The following PDPK1 variants were observed in gnomAD, a reference collection of about 807,000 sequenced individuals.
PDPK1 encodes the protein 3-phosphoinositide dependent protein kinase 1.
Under a neutral mutation model 39.8 loss-of-function variants are expected in PDPK1, and 7 were observed. The ratio of observed to expected loss-of-function variants is 0.18; its 90% CI spans 0.10 to 0.33. The LOEUF is 0.33. Among genes scored for constraint, PDPK1 ranks in the 10% least tolerant of loss-of-function variants. The pLI, the probability that PDPK1 is intolerant of heterozygous loss-of-function variation, is 1.00. For synonymous variants in PDPK1, 118 were observed against 159.1 expected (o/e 0.74, Z 1.95); for missense variants, 182 against 384.7 (o/e 0.47, Z 4.41).
At chr16:2,591,717 G>A (rs1392224092) in intron 11 of PDPK1, among the ~76,000 whole-genome samples, 1 of 152,328 alleles carries the variant, frequency 6.6e-6, no homozygotes, top group Non-Finnish European at 1.5e-5. Context: ...CTTATCAGCC[G>A]AACAGGAGAG....
At chr16:2,589,858 G>GA (rs2066952819) in intron 11 of PDPK1, among the ~76,000 whole-genome samples, 2 of 152,224 alleles carry the variant, frequency 1.3e-5, no homozygotes, top group Admixed American at 6.5e-5. Context: ...GAAGCTCTTA[G>GA]AAGCTGCATT....
chr16:2,597,118 G>T lies in PDPK1; in HGVS notation c.1402-5G>T. On this transcript the variant is annotated splice_polypyrimidine_tract_variant and splice_region_variant and intron_variant, in intron 12 of 13. Coordinates refer to ENST00000342085, the MANE Select transcript of PDPK1 (RefSeq NM_002613.5). The surrounding 1 kb of genome is among the most constrained non-coding windows in gnomAD (Gnocchi z 6.3). ...GAGGCCTGTTGTTTTGTGTTTTGGC[G>T]TCAGGGTTTATTTGCAAGACGACGA... is the stretch of plus-strand genomic sequence containing the variant. The T allele has an allele frequency of 6.4e-7, 1 of 1,552,420 alleles. No individual in the cohort carries two copies. The highest frequency in any genetic ancestry group is 8.8e-7 in the Non-Finnish European group (1 of 1,141,254).
At chr16:2,592,342 C>T (rs967272080) in intron 11 of PDPK1, among the ~76,000 whole-genome samples, 2 of 152,102 alleles carry the variant, frequency 1.3e-5, no homozygotes, top group African/African-American at 4.8e-5. Flanking sequence ...TGAGGTGCCT[C>T]GGGAAAGTCC....
At chr16:2,587,330 G>T (rs559631159) in intron 11 of PDPK1, among the ~76,000 whole-genome samples, 1 of 152,270 alleles carries the variant, frequency 6.6e-6, no homozygotes, top group Admixed American at 6.5e-5. Flanking sequence ...TCTGTCGCGG[G>T]GGCGCCAGGA....
rs2066171316 is a variant in PDPK1 at position 2,538,148 on chromosome 16, G to A, written c.24+12G>A. 3.8e-6 allele frequency: 4 copies of A among 1,059,860 alleles called. No individual in the cohort carries two copies. The highest frequency in any genetic ancestry group is 4.6e-6 in the Non-Finnish European group (4 of 877,518). 65.7% of individuals were successfully genotyped at this position (1,059,860 alleles called of 1,614,324 possible). A position where few individuals can be genotyped will look rare whatever the true frequency, so the allele number is the denominator to read the frequency against. On this transcript the variant is annotated intron_variant, in intron 1 of 13. Coordinates refer to ENST00000342085, the MANE Select transcript of PDPK1 (RefSeq NM_002613.5). ...CCACCAGCCAGCTGGTGAGCGCGCGGCGGCGGACTGGACGCGCCGGTTTGT... is the reference window on the plus strand; with the variant it reads ...CCACCAGCCAGCTGGTGAGCGCGCGACGGCGGACTGGACGCGCCGGTTTGT...
intron 10 of PDPK1, among the ~76,000 whole-genome samples, chr16:2,585,132 G>T (rs909375035): frequency 1.3e-5 from 2 of 152,252 alleles, no homozygotes; most frequent in Non-Finnish European, 2.9e-5. Flanking sequence ...GCTTCTCTGA[G>T]TGTGGGGGTG....
intron 11 of PDPK1, among the ~76,000 whole-genome samples, chr16:2,587,601 T>C (rs1413544173): frequency 1.3e-5 from 2 of 152,136 alleles, no homozygotes; most frequent in Non-Finnish European, 2.9e-5. Context: ...CTCTGCCTCC[T>C]GGGTTCAAGC....
At chr16:2,580,444 G>A (rs941319316) in intron 7 of PDPK1, among the ~76,000 whole-genome samples, 2 of 143,584 alleles carry the variant, frequency 1.4e-5, no homozygotes, top group African/African-American at 5.4e-5. Flanking sequence ...CCTCGGTGTG[G>A]ATTTCAGGAA....
At position 2,600,658 on chromosome 16, in the gene PDPK1, T is replaced by C. The variant is rs2067199091; in HGVS notation, c.*2891T>C. 1 of 178,688 alleles carries C rather than the reference T, an allele frequency of 5.6e-6. No homozygotes were observed. The highest frequency in any genetic ancestry group is 1.0e-5 in the Non-Finnish European group (1 of 97,750). 11.1% of individuals were successfully genotyped at this position (178,688 alleles called of 1,614,324 possible). Reference sequence around the variant, plus strand: ...GGGACTCCGCCTACTCCAGCCCTCTTGGGACACACTGTGGGATTTGTGGCC... The same window carrying C: ...GGGACTCCGCCTACTCCAGCCCTCTCGGGACACACTGTGGGATTTGTGGCC... On this transcript the variant is annotated 3_prime_UTR_variant, in exon 14 of 14. Coordinates refer to ENST00000342085, the MANE Select transcript of PDPK1 (RefSeq NM_002613.5).
intron 10 of PDPK1, among the ~76,000 whole-genome samples, chr16:2,585,399 A>G (rs1405370114): frequency 6.6e-6 from 1 of 152,192 alleles, no homozygotes; most frequent in Non-Finnish European, 1.5e-5. Context: ...GGTGTCAAGC[A>G]TGGAAGGAGA....
intron 1 of PDPK1, among the ~76,000 whole-genome samples, chr16:2,544,070 A>T (rs1167174442): frequency 2.0e-5 from 3 of 151,994 alleles, no homozygotes; most frequent in African/African-American, 7.3e-5. Flanking sequence ...CATGACAATA[A>T]AAAAAAGTCT....
chr16:2,596,082 C>A (rs564068680), intron 12 of PDPK1, among the ~76,000 whole-genome samples: 1 of 152,220 alleles, frequency 6.6e-6, no homozygotes, highest in Non-Finnish European at 1.5e-5. Context: ...CTCCTGGGAG[C>A]CTGGGGCTGC....
At chr16:2,592,048 T>C (rs1033763375) in intron 11 of PDPK1, among the ~76,000 whole-genome samples, 7 of 152,162 alleles carry the variant, frequency 4.6e-5, no homozygotes. Flanking sequence ...TGCAGAGCCC[T>C]CCCGAGGGGT....
Position 2,598,640 on chromosome 16 carries a change from C to G in PDPK1, c.*873C>G, listed in dbSNP as rs1324672357. ...GAGCCCTAGGTGGGGCCAGGAGGTG[C>G]CTTGGAGAAGCCAGCCAGAGCAGAG... On this transcript the variant is annotated 3_prime_UTR_variant, in exon 14 of 14. Coordinates refer to ENST00000342085, the MANE Select transcript of PDPK1 (RefSeq NM_002613.5). The G allele has an allele frequency of 8.6e-6, 2 of 233,334 alleles. No homozygotes were observed. The highest frequency in any genetic ancestry group is 4.4e-5 in the African/African-American group (2 of 45,334). 14.5% of individuals were successfully genotyped at this position (233,334 alleles called of 1,614,324 possible). A position where few individuals can be genotyped will look rare whatever the true frequency, so the allele number is the denominator to read the frequency against.
intron 1 of PDPK1, among the ~76,000 whole-genome samples, chr16:2,540,318 A>G (rs1159036172): frequency 6.6e-6 from 1 of 152,224 alleles, no homozygotes; most frequent in Non-Finnish European, 1.5e-5. Context: ...GGCCAGAGGC[A>G]GTGAGTACCA....
In PDPK1 at chr16:2,538,124, C is replaced by G; in HGVS notation, c.12C>G (p.Thr4=). MAR[T]TSQLYDAVPI... ...CCGACGCGGGGCCCATGGCCAGGAC[C>G]ACCAGCCAGCTGGTGAGCGCGCGGC... The change falls in exon 1 of 14, where the codon ACC becomes ACG. Residue 4 remains threonine, a synonymous_variant. Coordinates refer to ENST00000342085, the MANE Select transcript of PDPK1 (RefSeq NM_002613.5). 18 of 1,066,498 alleles carry G rather than the reference C, an allele frequency of 1.7e-5. No individual in the cohort carries two copies. Among genetic ancestry groups the G allele is most frequent in the Non-Finnish European group, 2.0e-5 (18 of 881,874 alleles). The allele number at this position is 1,066,498 out of a possible 1,614,324, so 66.1% of individuals were successfully genotyped here.
intron 1 of PDPK1, among the ~76,000 whole-genome samples, chr16:2,546,356 CAG>C (rs1312901815): frequency 7.8e-6 from 1 of 128,796 alleles, no homozygotes; most frequent in Admixed American, 7.7e-5. Context: ...TGCTTTGAGA[CAG>C]AGTCTCGCTC....
chr16:2,546,866 G>A (rs1287340947), intron 1 of PDPK1, among the ~76,000 whole-genome samples: 1 of 151,638 alleles, frequency 6.6e-6, no homozygotes, highest in Non-Finnish European at 1.5e-5. Flanking sequence ...GATGGTCCTT[G>A]GGGAGCCCAG....
chr16:2,592,976 G>C (rs1026342921), intron 11 of PDPK1: 1 of 456,590 alleles, frequency 2.2e-6, no homozygotes, highest in Non-Finnish European at 4.4e-6. Flanking sequence ...AGTGTCCCTG[G>C]CATGGGTGAC....
Sources: allele counts gnomAD v4.1 joint callset (sites outside exome capture counted in the v4.1 genomes callset), GRCh38; gene constraint gnomAD v4.1.1; non-coding constraint Gnocchi (gnomAD v3.1); transcripts MANE v1.5; gene names NCBI Gene and HGNC (gene_info 2026-07-23, HGNC 2026-07-21).